PUDP: variants seen among roughly 807,000 people sequenced by gnomAD.
PUDP encodes the protein pseudouridine 5'-phosphatase.
PUDP carries 8 observed loss-of-function variants against 9.4 expected under a neutral mutation model. The ratio of observed to expected loss-of-function variants is 0.85; its 90% CI spans 0.50 to 1.53. PUDP has a LOEUF of 1.53. PUDP is among the 40% of genes most tolerant of loss of function. PUDP has a pLI of 0.00. For synonymous variants in PUDP, 99 were observed against 80.7 expected (o/e 1.23, Z -1.22); for missense variants, 188 against 189.7 (o/e 0.99, Z 0.05).
chrX:6,715,235 C>T (rs1924586685), intron 1 of PUDP, among the ~76,000 whole-genome samples: 1 of 110,840 alleles, frequency 9.0e-6, no homozygotes, highest in Non-Finnish European at 1.9e-5. Context: ...TTTTCCATCC[C>T]AATAAATATT....
chrX:6,844,256 A>G, intron 3 of PUDP, among the ~76,000 whole-genome samples: 1 of 113,128 alleles, frequency 8.8e-6, no homozygotes, highest in East Asian at 2.8e-4. Flanking sequence ...GCAATTGATT[A>G]ACAACTTTAA....
At chrX:6,796,455 C>T (rs998068146) in intron 3 of PUDP, among the ~76,000 whole-genome samples, 2 of 111,904 alleles carry the variant, frequency 1.8e-5, no homozygotes, top group Admixed American at 1.9e-4. Flanking sequence ...CAAAGTTTCC[C>T]GGCCAGTAAG....
At chrX:7,084,527 G>T (rs991784874) in intron 2 of PUDP, among the ~76,000 whole-genome samples, 1 of 111,695 alleles carries the variant, frequency 9.0e-6, no homozygotes, top group Non-Finnish European at 1.9e-5. Context: ...GAAGCAAGCT[G>T]AATGCTGGCT....
rs756457855 is a variant in PUDP, at chrX:7,077,194, G to A, written c.510+26C>T. 14 of 1,170,712 alleles carry A rather than the reference G, an allele frequency of 1.2e-5. No individual in the cohort carries two copies. The African/African-American group carries it at 1.2e-4, about 10-fold the overall frequency. ...TTGGTGGAACATGGTTGTGGAACACGGCCCGTGTCACCGGCACCCACTTAC... is the reference window on the plus strand; with the variant it reads ...TTGGTGGAACATGGTTGTGGAACACAGCCCGTGTCACCGGCACCCACTTAC... On this transcript the variant is annotated intron_variant, in intron 3 of 3. Coordinates refer to ENST00000381077, the MANE Select transcript of PUDP (RefSeq NM_012080.5).
rs142417798 is a variant in PUDP, at chrX:6,885,246, G to A, written c.*247+91887C>T. ...CTGTACTAGGTGCTGGGCAGCTGCTGTCTCTATGTCCATGGAGCCTGGAGT... is the reference window on the plus strand; with the variant it reads ...CTGTACTAGGTGCTGGGCAGCTGCTATCTCTATGTCCATGGAGCCTGGAGT... On this transcript the variant is annotated intron_variant and NMD_transcript_variant, in intron 3 of 3. Coordinates refer to the PUDP transcript ENST00000655425. Among the ~76,000 whole-genome samples the A allele has an allele frequency of 2.2e-3, 246 of 111,975 alleles. 2 individuals carry two copies. Among genetic ancestry groups the A allele is most frequent in the African/African-American group, 7.2e-3 (223 of 30,891 alleles).
In PUDP at chrX:7,078,939, T is replaced by C. The variant is rs147881641; in HGVS notation, c.281-1490A>G. Among the ~76,000 whole-genome samples the C allele has an allele frequency of 9.7e-3, 1,079 of 111,368 alleles. 5 individuals carry two copies. The highest frequency in any genetic ancestry group is 0.016 in the Non-Finnish European group (852 of 53,005). ...AAATACCACCCACAATCAGGAGAAA[T>C]AGACACAGAAATGATAGAGACAGAT... On this transcript the variant is annotated intron_variant, in intron 2 of 3. Coordinates refer to ENST00000381077, the MANE Select transcript of PUDP (RefSeq NM_012080.5).
chrX:7,033,078 G>T (rs1212762774), intron 1 of PUDP, among the ~76,000 whole-genome samples: 1 of 111,885 alleles, frequency 8.9e-6, no homozygotes, highest in Non-Finnish European at 1.9e-5. Flanking sequence ...AACGTGAAAG[G>T]ACTAGACTGG....
At chrX:6,966,346 G>A (rs769292601) in intron 3 of PUDP, among the ~76,000 whole-genome samples, 5 of 110,592 alleles carry the variant, frequency 4.5e-5, no homozygotes, top group Non-Finnish European at 7.6e-5. Flanking sequence ...AGTGAATCTT[G>A]GTTCTATGCC....
intron 3 of PUDP, among the ~76,000 whole-genome samples, chrX:6,806,098 G>A (rs1395952325): frequency 9.0e-6 from 1 of 111,222 alleles, no homozygotes; most frequent in Admixed American, 9.6e-5. Context: ...ATAGGACAGA[G>A]AGACGTCTAC....
At chrX:6,795,895 C>T (rs776549530) in intron 3 of PUDP, among the ~76,000 whole-genome samples, 1 of 112,065 alleles carries the variant, frequency 8.9e-6, no homozygotes, top group South Asian at 3.8e-4. Context: ...CTCAGTCCTT[C>T]CAGAGAACGG....
At chrX:7,137,757 G>A (rs1026553060) in intron 1 of PUDP, among the ~76,000 whole-genome samples, 2 of 112,050 alleles carry the variant, frequency 1.8e-5, no homozygotes, top group Non-Finnish European at 3.8e-5. Flanking sequence ...ACCTATTTAG[G>A]TTCCTGTGAG....
intron 3 of PUDP, among the ~76,000 whole-genome samples, chrX:6,907,270 C>T (rs1400292908): frequency 1.8e-5 from 2 of 111,340 alleles, no homozygotes; most frequent in Admixed American, 9.6e-5. Context: ...GTTTGCTTCC[C>T]CTTCCAACAT....
At chrX:6,796,374 T>C (rs1194055874) in intron 3 of PUDP, among the ~76,000 whole-genome samples, 1 of 111,776 alleles carries the variant, frequency 8.9e-6, no homozygotes, top group Non-Finnish European at 1.9e-5. Context: ...TATGACTGAT[T>C]ATTTGGGGCT....
At chrX:6,710,648 G>A (rs1173178484) in intron 1 of PUDP, among the ~76,000 whole-genome samples, 1 of 112,008 alleles carries the variant, frequency 8.9e-6, no homozygotes, top group Non-Finnish European at 1.9e-5. Context: ...TCATTGTGGT[G>A]GATGTCAGAC....
chrX:6,902,930 C>T (rs1927712893), intron 3 of PUDP, among the ~76,000 whole-genome samples: 1 of 111,696 alleles, frequency 9.0e-6, no homozygotes, highest in African/African-American at 3.3e-5. Context: ...AGAGGAAATT[C>T]ATTTTTTTCT....
At chrX:6,841,164 C>T (rs764625333) in intron 3 of PUDP, among the ~76,000 whole-genome samples, 1 of 108,921 alleles carries the variant, frequency 9.2e-6, no homozygotes, top group Non-Finnish European at 1.9e-5. Context: ...GTAATCCTAG[C>T]TGCTTGGGAG....
intron 1 of PUDP, among the ~76,000 whole-genome samples, chrX:7,109,313 TGA>T (rs1332377197): frequency 8.9e-6 from 1 of 111,786 alleles, no homozygotes; most frequent in Non-Finnish European, 1.9e-5. Context: ...TTCTAGTAGT[TGA>T]GAGAGGAAGA....
At chrX:6,718,478 T>C (rs1924625571) in intron 1 of PUDP, among the ~76,000 whole-genome samples, 1 of 112,026 alleles carries the variant, frequency 8.9e-6, no homozygotes, top group African/African-American at 3.2e-5. Context: ...CCATTACCTT[T>C]AGTGAAACAA....
intron 1 of PUDP, among the ~76,000 whole-genome samples, chrX:6,986,441 C>T (rs775841476): frequency 9.0e-6 from 1 of 111,473 alleles, no homozygotes; most frequent in East Asian, 2.8e-4. Context: ...CCCAGGGGCT[C>T]GGCGCAGGCT....
Sources: gnomAD v4.1 joint callset for allele counts (sites outside exome capture counted in the v4.1 genomes callset) on GRCh38, gnomAD v4.1.1 for gene constraint, MANE v1.5 for transcripts, NCBI Gene and HGNC (gene_info 2026-07-23, HGNC 2026-07-21) for gene names.